The following MEF2C variants were observed in gnomAD, a reference collection of about 807,000 sequenced individuals.
MEF2C encodes myocyte enhancer factor 2C.
MEF2C carries 6 observed loss-of-function variants against 50.5 expected under a neutral mutation model. The ratio of observed to expected loss-of-function variants is 0.12; its 90% CI spans 0.07 to 0.23. MEF2C has a LOEUF of 0.23. MEF2C is among the 10% of genes least tolerant of loss of function. The pLI is 1.00. For synonymous variants in MEF2C, 183 were observed against 228.0 expected (o/e 0.80, Z 1.78); for missense variants, 276 against 605.0 (o/e 0.46, Z 5.70).
chr5:88,743,550 T>C (rs1767885248), intron 6 of MEF2C: 19 of 979,538 alleles, frequency 1.9e-5, no homozygotes, highest in Non-Finnish European at 2.3e-5. Context: ...TAAGCAAAAT[T>C]TTATGATTAT....
intron 2 of MEF2C, among the ~76,000 whole-genome samples, chr5:88,811,591 A>G (rs1802831255): frequency 6.6e-6 from 1 of 152,150 alleles, no homozygotes; most frequent in Non-Finnish European, 1.5e-5. Context: ...TGCACCCTAC[A>G]GAATCTCCTA....
At chr5:88,778,198 A>G (rs892106609) in intron 3 of MEF2C, among the ~76,000 whole-genome samples, 1 of 152,002 alleles carries the variant, frequency 6.6e-6, no homozygotes, top group African/African-American at 2.4e-5. Context: ...GTGAGCCACC[A>G]CGCCCGGCTG....
intron 1 of MEF2C, among the ~76,000 whole-genome samples, chr5:88,867,472 G>A (rs762576385): frequency 1.3e-5 from 2 of 152,068 alleles, no homozygotes; most frequent in Non-Finnish European, 2.9e-5. Context: ...AATCGGGATA[G>A]TAACTGCACC....
chr5:88,865,422 C>T (rs534979270), intron 1 of MEF2C, among the ~76,000 whole-genome samples: 1 of 152,140 alleles, frequency 6.6e-6, no homozygotes, highest in Admixed American at 6.5e-5. Flanking sequence ...TTTTGAAGTG[C>T]AGTATTAGCT....
intron 4 of MEF2C, among the ~76,000 whole-genome samples, chr5:88,753,818 G>A (rs1449427265): frequency 1.3e-5 from 2 of 152,156 alleles, no homozygotes; most frequent in Non-Finnish European, 2.9e-5. Flanking sequence ...TGACATAATG[G>A]AATATAAATG....
chr5:88,791,973 T>C (rs1245327438), intron 3 of MEF2C, among the ~76,000 whole-genome samples: 3 of 152,088 alleles, frequency 2.0e-5, no homozygotes, highest in Non-Finnish European at 4.4e-5. Context: ...AGCAATTATA[T>C]GCTTGGCTTA....
intron 4 of MEF2C, among the ~76,000 whole-genome samples, chr5:88,758,133 T>C (rs1580200590): frequency 6.6e-6 from 1 of 152,306 alleles, no homozygotes; most frequent in South Asian, 2.1e-4. Flanking sequence ...ACTTCTCCTC[T>C]GCATGTAAAT....
chr5:88,788,488 GCATGAGCCACCTCGGCCAGCC>G (rs1562039420), intron 3 of MEF2C, among the ~76,000 whole-genome samples: 1 of 151,996 alleles, frequency 6.6e-6, no homozygotes, highest in Non-Finnish European at 1.5e-5. Context: ...GGGATTACAG[GCATGAGCCACCTCGGCCAGCC>G]CATGCCAGTT....
At chr5:88,756,788 ATTT>A (rs55995057) in intron 4 of MEF2C, among the ~76,000 whole-genome samples, 2 of 149,424 alleles carry the variant, frequency 1.3e-5, no homozygotes, top group Non-Finnish European at 3.0e-5. Flanking sequence ...CATTTAAACA[ATTT>A]TTTTTTTTTG....
chr5:88,816,637 T>A lies in MEF2C; in HGVS notation c.54+7098A>T, dbSNP rs1011936697. Among the ~76,000 whole-genome samples, 4 of 151,860 alleles carry A rather than the reference T, an allele frequency of 2.6e-5. No homozygotes were observed. The South Asian group carries it at 8.3e-4, about 31-fold the overall frequency. ...ATTAATAAAAGAATGATTTAACTTA[T>A]ATGCATGAGGAGCTTTTAAGAAGGC... On this transcript the variant is annotated intron_variant, in intron 2 of 10. Transcript: ENST00000504921.
intron 1 of MEF2C, among the ~76,000 whole-genome samples, chr5:88,836,864 A>C (rs1815307741): frequency 6.6e-6 from 1 of 151,980 alleles, no homozygotes; most frequent in Admixed American, 6.6e-5. Flanking sequence ...TCAAACCTAG[A>C]CTCTAAAAGA....
chr5:88,810,778 G>T (rs1802445850), intron 2 of MEF2C, among the ~76,000 whole-genome samples: 1 of 152,034 alleles, frequency 6.6e-6, no homozygotes, highest in Non-Finnish European at 1.5e-5. Context: ...TTTTGTCATT[G>T]GTTTAGATGG....
chr5:88,734,301 A>T, intron 6 of MEF2C: 1 of 985,398 alleles, frequency 1.0e-6, no homozygotes, highest in Non-Finnish European at 1.2e-6. Flanking sequence ...GATCTGGTTT[A>T]TATAAACAAT....
chr5:88,883,850 TTACTC>T (rs1434699157), upstream of MEF2C: 2 of 152,164 alleles, frequency 1.3e-5, no homozygotes, highest in East Asian at 1.9e-4. Flanking sequence ...GATTGATAAA[TTACTC>T]CACTACACTA....
chr5:88,880,695 T>A (rs1158884748), intron 1 of MEF2C: 1 of 152,076 alleles, frequency 6.6e-6, no homozygotes, highest in African/African-American at 2.4e-5. Flanking sequence ...TTCCCCCAAA[T>A]TTTTCAAAAT....
At chr5:88,786,749 T>A (rs1791102253) in intron 3 of MEF2C, among the ~76,000 whole-genome samples, 2 of 152,238 alleles carry the variant, frequency 1.3e-5, no homozygotes, top group South Asian at 2.1e-4. Flanking sequence ...ACTACATTTA[T>A]TAGTCTCACT....
chr5:88,795,136 G>C (rs1308601883), intron 3 of MEF2C, among the ~76,000 whole-genome samples: 1 of 151,992 alleles, frequency 6.6e-6, no homozygotes, highest in Non-Finnish European at 1.5e-5. Flanking sequence ...GCTCTTTTTT[G>C]GTTCCATATG....
chr5:88,903,045 C>T (rs1171268533), intron 1 of MEF2C, among the ~76,000 whole-genome samples: 1 of 151,876 alleles, frequency 6.6e-6, no homozygotes, highest in African/African-American at 2.4e-5. Flanking sequence ...GAATGAATCC[C>T]TGAAATAGAG....
intron 2 of MEF2C, among the ~76,000 whole-genome samples, chr5:88,812,320 A>G (rs2153132956): frequency 6.6e-6 from 1 of 152,318 alleles, no homozygotes; most frequent in Non-Finnish European, 1.5e-5. Context: ...GGACAGAGGA[A>G]TTATAGTGTT....
Sources: allele counts gnomAD v4.1 joint callset (sites outside exome capture counted in the v4.1 genomes callset), GRCh38; gene constraint gnomAD v4.1.1; transcripts MANE v1.5; gene names NCBI Gene and HGNC (gene_info 2026-07-23, HGNC 2026-07-21).